Variants in GALNTL6 observed in about 807,000 individuals in gnomAD.
GALNTL6 encodes polypeptide N-acetylgalactosaminyltransferase like 6, also known as polypeptide N-acetylgalactosaminyltransferase-like 6.
A neutral mutation model predicts 73.7 loss-of-function variants in GALNTL6; 46 were observed. The ratio of observed to expected loss-of-function variants is 0.62; its 90% confidence interval spans 0.49 to 0.80. The LOEUF (loss-of-function observed/expected upper bound fraction) is 0.80, where lower values mean the gene tolerates loss of function less well. GALNTL6 is among the 30% of genes least tolerant of loss of function. GALNTL6 has a pLI of 0.00. For synonymous variants in GALNTL6, 259 were observed against 263.7 expected, an observed-to-expected ratio of 0.98 and a Z score of 0.17; for missense variants, 604 against 755.0, an observed-to-expected ratio of 0.80 and a Z score of 2.34.
At chr4:172,977,465 T>C (rs180782677) in intron 10 of GALNTL6, among the ~76,000 whole-genome samples, 11 of 152,366 alleles carry the variant, frequency 7.2e-5, no homozygotes, top group Admixed American at 7.2e-4. Flanking sequence ...ATCAGGTGGT[T>C]GTTGGCTGTT....
intron 5 of GALNTL6, among the ~76,000 whole-genome samples, chr4:172,726,624 C>G (rs1259205346): frequency 6.6e-6 from 1 of 152,172 alleles, no homozygotes; most frequent in Non-Finnish European, 1.5e-5. Context: ...CTGATGAGAA[C>G]ACTTGATCAA....
In GALNTL6 at chr4:172,912,486, C is replaced by T. The variant is rs891380078; in HGVS notation, c.1042-18675C>T. On this transcript the variant is annotated intron_variant, in intron 8 of 12. Coordinates refer to ENST00000506823, the MANE Select transcript of GALNTL6 (RefSeq NM_001034845.3). ...CCTAGACAAGGGAAGCCATGACAGACGGTACCTGCAAAATAGGACACTCCC... is the reference window on the plus strand; with the variant it reads ...CCTAGACAAGGGAAGCCATGACAGATGGTACCTGCAAAATAGGACACTCCC... Among the ~76,000 whole-genome samples, 27 of 152,166 alleles carry T rather than the reference C, an allele frequency of 1.8e-4. No individual in the cohort carries two copies. In the East Asian group the frequency reaches 1.9e-3, roughly 11 times the overall value.
intron 5 of GALNTL6, among the ~76,000 whole-genome samples, chr4:172,750,764 T>C (rs1191378922): frequency 6.6e-6 from 1 of 152,228 alleles, no homozygotes; most frequent in Non-Finnish European, 1.5e-5. Flanking sequence ...GGAATATCTA[T>C]TGTATTTTAC....
chr4:171,950,256 A>T (rs1738832970), intron 2 of GALNTL6, among the ~76,000 whole-genome samples: 3 of 152,198 alleles, frequency 2.0e-5, no homozygotes, highest in Admixed American at 2.0e-4. Context: ...GATCAAAGAA[A>T]CAAGAGAAAT....
intron 2 of GALNTL6, among the ~76,000 whole-genome samples, chr4:172,199,897 AC>A (rs1375099908): frequency 1.3e-5 from 2 of 152,172 alleles, no homozygotes; most frequent in African/African-American, 2.4e-5. Flanking sequence ...CTAGCCATAT[AC>A]CTCATTTGAA....
At chr4:171,882,758 C>T (rs1736486394) in intron 2 of GALNTL6, among the ~76,000 whole-genome samples, 1 of 152,200 alleles carries the variant, frequency 6.6e-6, no homozygotes, top group African/African-American at 2.4e-5. Flanking sequence ...CAGTTGATTA[C>T]ATCTTCTTTG....
intron 10 of GALNTL6, among the ~76,000 whole-genome samples, chr4:172,976,500 A>G (rs889812020): frequency 1.3e-5 from 2 of 152,248 alleles, no homozygotes; most frequent in Non-Finnish European, 2.9e-5. Flanking sequence ...GGGCCACAGG[A>G]AACCACAGCA....
At chr4:172,078,207 T>G (rs961298813) in intron 2 of GALNTL6, among the ~76,000 whole-genome samples, 2 of 152,126 alleles carry the variant, frequency 1.3e-5, no homozygotes, top group Non-Finnish European at 2.9e-5. Flanking sequence ...GTGGAAGTGA[T>G]TGGAACATGG....
At chr4:172,357,177 A>C (rs1213329664) in intron 5 of GALNTL6, among the ~76,000 whole-genome samples, 1 of 152,168 alleles carries the variant, frequency 6.6e-6, no homozygotes, top group Non-Finnish European at 1.5e-5. Context: ...GTGATTCTAA[A>C]GTTTGGAAAG....
intron 3 of GALNTL6, among the ~76,000 whole-genome samples, chr4:172,296,484 G>A (rs201846148): frequency 2.0e-5 from 3 of 152,000 alleles, no homozygotes; most frequent in Non-Finnish European, 4.4e-5. Context: ...TTAACATTAG[G>A]TATATCTCCT....
At chr4:172,927,269 T>C (rs1748107715) in intron 8 of GALNTL6, among the ~76,000 whole-genome samples, 1 of 152,194 alleles carries the variant, frequency 6.6e-6, no homozygotes, top group South Asian at 2.1e-4. Flanking sequence ...CACATCTAAA[T>C]ACAAAGGAGC....
chr4:172,987,786 T>C (rs1246723369), intron 10 of GALNTL6, among the ~76,000 whole-genome samples: 1 of 152,138 alleles, frequency 6.6e-6, no homozygotes, highest in African/African-American at 2.4e-5. Context: ...TCTCCTTCTC[T>C]GGCCATGTAA....
chr4:172,566,706 A>G (rs945036505), intron 5 of GALNTL6, among the ~76,000 whole-genome samples: 1 of 152,008 alleles, frequency 6.6e-6, no homozygotes, highest in African/African-American at 2.4e-5. Context: ...TAAAATAGAG[A>G]ATAGAAAAAC....
At chr4:172,803,757 T>C (rs985148353) in intron 5 of GALNTL6, among the ~76,000 whole-genome samples, 1 of 152,238 alleles carries the variant, frequency 6.6e-6, no homozygotes, top group Non-Finnish European at 1.5e-5. Context: ...TTTTCCCAGC[T>C]ATTTCCCAAA....
chr4:171,941,873 A>T (rs961357955), intron 2 of GALNTL6, among the ~76,000 whole-genome samples: 3 of 152,204 alleles, frequency 2.0e-5, no homozygotes, highest in African/African-American at 7.2e-5. Context: ...ACTTTAACAT[A>T]AACAGTATTC....
At chr4:171,853,775 C>A (rs1488892635) in intron 2 of GALNTL6, among the ~76,000 whole-genome samples, 1 of 151,658 alleles carries the variant, frequency 6.6e-6, no homozygotes, top group Non-Finnish European at 1.5e-5. Flanking sequence ...CCACGCCCAG[C>A]TAATTTTTAT....
rs551159784 is a variant in GALNTL6, at chr4:171,837,707, A to T, written c.138+22989A>T. Among the ~76,000 whole-genome samples the T allele has an allele frequency of 4.6e-3, 683 of 147,272 alleles. 3 individuals are homozygous for T. The highest frequency in any genetic ancestry group is 8.2e-3 in the South Asian group (39 of 4,764). On this transcript the variant is annotated intron_variant, in intron 2 of 12. Transcript: ENST00000506823. ...GTATATTTATATGTTATATATATTT[A>T]TATATATAATATATAAAACCACTTT...
chr4:172,412,008 ATATAT>A (rs1201383050), intron 5 of GALNTL6, among the ~76,000 whole-genome samples: 1 of 151,720 alleles, frequency 6.6e-6, no homozygotes, highest in Non-Finnish European at 1.5e-5. Flanking sequence ...AGCACTGGAA[ATATAT>A]TTTATTTATT....
At chr4:172,836,296 C>T (rs768735952) in intron 7 of GALNTL6, among the ~76,000 whole-genome samples, 9 of 152,242 alleles carry the variant, frequency 5.9e-5, no homozygotes, top group Non-Finnish European at 1.2e-4. Context: ...GTGACTACCA[C>T]AGCCAGGAAA....
Sources: allele counts gnomAD v4.1 joint callset (sites outside exome capture counted in the v4.1 genomes callset), GRCh38; gene constraint gnomAD v4.1.1; transcripts MANE v1.5; gene names NCBI Gene and HGNC (gene_info 2026-07-23, HGNC 2026-07-21).